TXNDC16: variants seen among roughly 807,000 people sequenced by gnomAD.
The protein encoded by TXNDC16 is thioredoxin domain containing 16.
TXNDC16 carries 74 observed loss-of-function variants against 85.6 expected under a neutral mutation model. The ratio of observed to expected loss-of-function variants is 0.86; its 90% CI spans 0.72 to 1.05. The LOEUF (loss-of-function observed/expected upper bound fraction) is 1.05, where lower values mean the gene tolerates loss of function less well. TXNDC16 is among the 50% of genes least tolerant of loss of function. TXNDC16 has a pLI of 0.00. For synonymous variants in TXNDC16, 335 were observed against 326.5 expected, an observed-to-expected ratio of 1.03 and a Z score of -0.28; for missense variants, 959 against 947.0, an observed-to-expected ratio of 1.01 and a Z score of -0.17.
In TXNDC16 at chr14:52,440,592, C is replaced by T. The variant is rs754566432; in HGVS notation, c.1975G>A (p.Asp659Asn). 6.2e-7 allele frequency: 1 copy of T among 1,604,950 alleles called. No individual in the cohort carries two copies. ...TTTAACCAGCATGGAGTAAATGAAT[C>T]CAAGTATTTCTGCTTTACCAGTGTC... ...ILTLVKQKYL[D>N]SFTPCWLNLK... Residue 659 changes from aspartate (D) to asparagine (N), a missense_variant, in exon 19 of 21, where the codon GAT (aspartate) becomes AAT (asparagine). By Grantham distance (23) the Asp-to-Asn change is conservative. Coordinates refer to ENST00000281741, the MANE Select transcript of TXNDC16 (RefSeq NM_020784.3).
intron 9 of TXNDC16, among the ~76,000 whole-genome samples, chr14:52,492,366 T>C (rs1325991034): frequency 6.6e-6 from 1 of 152,130 alleles, no homozygotes; most frequent in Non-Finnish European, 1.5e-5. Context: ...CAGGCCCAGT[T>C]ACTTTATAGA....
intron 1 of TXNDC16, among the ~76,000 whole-genome samples, chr14:52,551,533 T>C (rs961829281): frequency 2.6e-5 from 4 of 152,088 alleles, no homozygotes; most frequent in Non-Finnish European, 4.4e-5. Flanking sequence ...GCTGGGTCTT[T>C]GTTGCTCCAA....
chr14:52,508,790 A>G (rs1156441852), intron 9 of TXNDC16, among the ~76,000 whole-genome samples: 1 of 152,204 alleles, frequency 6.6e-6, no homozygotes, highest in Non-Finnish European at 1.5e-5. Context: ...GCTGGAAACC[A>G]TCATTCTCAG....
chr14:52,451,962 T>C (rs2035422471), intron 18 of TXNDC16, among the ~76,000 whole-genome samples: 1 of 152,186 alleles, frequency 6.6e-6, no homozygotes, highest in African/African-American at 2.4e-5. Context: ...CGAAAAACTA[T>C]TCAAGCTGAT....
intron 9 of TXNDC16, among the ~76,000 whole-genome samples, chr14:52,494,675 A>G (rs1363537719): frequency 6.6e-6 from 1 of 152,252 alleles, no homozygotes; most frequent in African/African-American, 2.4e-5. Flanking sequence ...TATCCTGCCA[A>G]GAAAATGGGG....
intron 10 of TXNDC16, 112 bp downstream of exon 10, chr14:52,490,727 G>A: frequency 8.5e-7 from 1 of 1,172,546 alleles, no homozygotes; most frequent in Non-Finnish European, 1.2e-6. Context: ...TAACTATATT[G>A]GAATCTATTA....
rs1419576379 is a variant in TXNDC16, at chr14:52,511,239, C to T, written c.756+1G>A. 6.5e-7 allele frequency: 1 copy of T among 1,549,774 alleles called. No individual in the cohort carries two copies. Among genetic ancestry groups the T allele is most frequent in the Non-Finnish European group, 8.8e-7 (1 of 1,142,120 alleles). The stretch of plus-strand genomic sequence containing the variant: ...ATAAAAATATAAAATAAGACACATA[C>T]CAACAGAGGTGCTTTCATTGTCTTA... On this transcript the variant is annotated splice_donor_variant, in intron 9 of 20. Transcript: ENST00000281741. LOFTEE classifies it high-confidence loss of function.
In TXNDC16 at chr14:52,536,706, C is replaced by A. The variant is rs2037708777; in HGVS notation, c.392+13G>T. 1.9e-6 allele frequency: 3 copies of A among 1,599,034 alleles called. No individual in the cohort carries two copies. Among genetic ancestry groups the A allele is most frequent in the East Asian group, 2.3e-5 (1 of 44,442 alleles). Reference sequence around the variant, plus strand: ...AACAAGTAAACAAATGAATGTGTAGCCCCTGTACTTACAAGAGAACATGGG... The same window carrying A: ...AACAAGTAAACAAATGAATGTGTAGACCCTGTACTTACAAGAGAACATGGG... On this transcript the variant is annotated intron_variant, in intron 6 of 20. Coordinates refer to ENST00000281741, the MANE Select transcript of TXNDC16 (RefSeq NM_020784.3).
At chr14:52,517,123 T>C (rs752614595) in intron 7 of TXNDC16, among the ~76,000 whole-genome samples, 6 of 152,138 alleles carry the variant, frequency 3.9e-5, no homozygotes, top group Admixed American at 1.3e-4. Flanking sequence ...CACACAACTC[T>C]AACCCATCAA....
chr14:52,535,713 A>T (rs2037684534), intron 6 of TXNDC16, among the ~76,000 whole-genome samples: 1 of 152,130 alleles, frequency 6.6e-6, no homozygotes, highest in Non-Finnish European at 1.5e-5. Flanking sequence ...AGGCCTGGAG[A>T]TTCCAGGCCA....
At chr14:52,479,433 G>A (rs895323698) in intron 14 of TXNDC16, among the ~76,000 whole-genome samples, 3 of 151,998 alleles carry the variant, frequency 2.0e-5, no homozygotes, top group African/African-American at 7.2e-5. Context: ...CATCCAGAAA[G>A]TTCCTAGAAA....
rs535325943 is a variant in TXNDC16, at chr14:52,533,123, C to T, written c.392+3596G>A. ...TGGCTGACCTATATGTTGACAACAC[C>T]TGGATGTACAATGCTCTGGGGCTCA... On this transcript the variant is annotated intron_variant, in intron 6 of 20. Coordinates refer to ENST00000281741, the MANE Select transcript of TXNDC16 (RefSeq NM_020784.3). Among the ~76,000 whole-genome samples, 551 of 152,146 alleles carry T rather than the reference C, an allele frequency of 3.6e-3. 4 individuals are homozygous for T. The highest frequency in any genetic ancestry group is 0.011 in the South Asian group (53 of 4,822).
intron 11 of TXNDC16, 110 bp downstream of exon 11, chr14:52,490,281 A>G (rs1594722863): frequency 1.4e-6 from 1 of 704,156 alleles, no homozygotes; most frequent in Non-Finnish European, 2.1e-6. Context: ...TTTGAATAGG[A>G]GCAATTTATA....
intron 9 of TXNDC16, among the ~76,000 whole-genome samples, chr14:52,499,698 T>A (rs1266739974): frequency 1.3e-5 from 2 of 151,926 alleles, no homozygotes; most frequent in African/African-American, 4.8e-5. Context: ...GGTGAGACTG[T>A]AAAATGGTGC....
chr14:52,475,416 C>A (rs553031912), intron 14 of TXNDC16, among the ~76,000 whole-genome samples: 1 of 152,128 alleles, frequency 6.6e-6, no homozygotes, highest in South Asian at 2.1e-4. Context: ...AGGCAGGTAG[C>A]CTGGGGCAGG....
rs552053093 is a variant in TXNDC16, at chr14:52,550,274, C to T, written c.-182+2042G>A. ...TGGAGTATATAACGCTTACAAAGTT[C>T]CCATAAGAACATTCTGTCTGAAGTC... On this transcript the variant is annotated intron_variant, in intron 1 of 20. Transcript: ENST00000281741. Among the ~76,000 whole-genome samples the T allele has an allele frequency of 2.6e-5, 4 of 152,290 alleles. No individual in the cohort carries two copies. The East Asian group carries it at 5.8e-4, about 22-fold the overall frequency.
intron 14 of TXNDC16, among the ~76,000 whole-genome samples, chr14:52,481,998 A>C (rs932648519): frequency 2.6e-5 from 4 of 152,174 alleles, no homozygotes; most frequent in African/African-American, 9.7e-5. Flanking sequence ...TGTAGCCACA[A>C]GTACTAAATA....
intron 14 of TXNDC16, among the ~76,000 whole-genome samples, chr14:52,478,440 CAAGAA>C (rs1378773037): frequency 6.6e-6 from 1 of 151,866 alleles, no homozygotes; most frequent in Non-Finnish European, 1.5e-5. Flanking sequence ...CAAGATTAAC[CAAGAA>C]AAGAAAAGAG....
intron 3 of TXNDC16, 132 bp from the exon 4 acceptor site, chr14:52,542,585 A>G: frequency 1.8e-6 from 1 of 544,946 alleles, no homozygotes; most frequent in East Asian, 3.0e-5. Flanking sequence ...ATCTCATTAC[A>G]TATTTTCACA....
Sources: gnomAD v4.1 joint callset for allele counts (sites outside exome capture counted in the v4.1 genomes callset) on GRCh38, gnomAD v4.1.1 for gene constraint, MANE v1.5 for transcripts, NCBI Gene and HGNC (gene_info 2026-07-23, HGNC 2026-07-21) for gene names.